AUTS2: variants seen among roughly 807,000 people sequenced by gnomAD.
AUTS2 encodes autism susceptibility gene 2 protein.
A neutral mutation model predicts 112.4 loss-of-function variants in AUTS2; 17 were observed. The ratio of observed to expected loss-of-function variants is 0.15; its 90% confidence interval spans 0.10 to 0.23. The LOEUF (loss-of-function observed/expected upper bound fraction) is 0.23, where lower values mean the gene tolerates loss of function less well. Among genes scored for constraint, AUTS2 ranks in the 10% least tolerant of loss-of-function variants. AUTS2 has a pLI of 1.00. For synonymous variants in AUTS2, 751 were observed against 702.7 expected, an observed-to-expected ratio of 1.07 and a Z score of -1.09; for missense variants, 1,510 against 1,701.6, an observed-to-expected ratio of 0.89 and a Z score of 1.98.
At chr7:70,043,829 G>A (rs761415354) in intron 2 of AUTS2, among the ~76,000 whole-genome samples, 4 of 151,782 alleles carry the variant, frequency 2.6e-5, no homozygotes, top group South Asian at 2.1e-4. Flanking sequence ...GGCTGCTCTC[G>A]GACTCCCGAT....
intron 4 of AUTS2, among the ~76,000 whole-genome samples, chr7:70,151,649 AC>A (rs2129576314): frequency 6.6e-6 from 1 of 152,034 alleles, no homozygotes; most frequent in South Asian, 2.1e-4. Flanking sequence ...ATGGGGTTTC[AC>A]CATGTTGGCC....
intron 5 of AUTS2, among the ~76,000 whole-genome samples, chr7:70,657,115 C>T (rs1470949471): frequency 1.3e-5 from 2 of 152,124 alleles, no homozygotes; most frequent in Non-Finnish European, 2.9e-5. Context: ...CCTCAAGTGT[C>T]CCTTCTGGTT....
At chr7:69,607,983 G>A (rs1297597169) in intron 1 of AUTS2, among the ~76,000 whole-genome samples, 4 of 152,154 alleles carry the variant, frequency 2.6e-5, no homozygotes, top group Non-Finnish European at 4.4e-5. Flanking sequence ...TGCCCAGGCT[G>A]GAGTGCAGTG....
intron 4 of AUTS2, among the ~76,000 whole-genome samples, chr7:70,226,110 A>T (rs1313381093): frequency 1.3e-5 from 2 of 152,324 alleles, no homozygotes; most frequent in African/African-American, 4.8e-5. Context: ...TATGTCATCT[A>T]TTAAAAGCTA....
chr7:70,726,015 C>T (rs1480368219), intron 6 of AUTS2, among the ~76,000 whole-genome samples: 1 of 146,696 alleles, frequency 6.8e-6, no homozygotes, highest in African/African-American at 2.5e-5. Context: ...GAGTGAGACT[C>T]CATTTCAAAA....
At chr7:69,705,448 T>G (rs1165531920) in intron 1 of AUTS2, among the ~76,000 whole-genome samples, 2 of 152,196 alleles carry the variant, frequency 1.3e-5, no homozygotes, top group African/African-American at 4.8e-5. Flanking sequence ...GATAGATGGA[T>G]GGTCAGTCCC....
At chr7:70,789,231 C>CT (rs1791715365) in intron 18 of AUTS2, among the ~76,000 whole-genome samples, 2 of 152,214 alleles carry the variant, frequency 1.3e-5, no homozygotes, top group Admixed American at 1.3e-4. Flanking sequence ...AAACTGGTCA[C>CT]TTGTCCTTGT....
intron 5 of AUTS2, among the ~76,000 whole-genome samples, chr7:70,566,690 C>G (rs1400555546): frequency 2.6e-5 from 4 of 152,054 alleles, no homozygotes; most frequent in African/African-American, 9.7e-5. Flanking sequence ...GATGAATGAT[C>G]AAGGAACTTA....
Position 70,464,419 on chromosome 7 carries a change from CT to C in AUTS2, c.690+28642del, listed in dbSNP as rs1797093409. On this transcript the variant is annotated intron_variant, in intron 5 of 18. Transcript: ENST00000342771. ...TTGAGCACTTGCTATATGCCAGATA[CT>C]TTTAAGCACTTCACATAAACCAAGT... Among the ~76,000 whole-genome samples the C allele has an allele frequency of 2.0e-5, 3 of 152,328 alleles. No homozygotes were observed. In the South Asian group the frequency reaches 6.2e-4, roughly 32 times the overall value.
At chr7:70,328,967 G>A (rs1285149690) in intron 4 of AUTS2, among the ~76,000 whole-genome samples, 1 of 151,982 alleles carries the variant, frequency 6.6e-6, no homozygotes, top group African/African-American at 2.4e-5. Flanking sequence ...ATTGCCCTTA[G>A]TCCCCAGTAA....
intron 5 of AUTS2, among the ~76,000 whole-genome samples, chr7:70,581,364 C>G (rs1802434205): frequency 1.3e-5 from 2 of 151,974 alleles, no homozygotes; most frequent in African/African-American, 2.4e-5. Context: ...CCAGCCTGGG[C>G]AAGAAGAGCG....
chr7:70,471,716 G>A (rs1157754595), intron 5 of AUTS2, among the ~76,000 whole-genome samples: 1 of 152,102 alleles, frequency 6.6e-6, no homozygotes, highest in African/African-American at 2.4e-5. Flanking sequence ...AGCAGGGAGG[G>A]AAATACAGTG....
intron 2 of AUTS2, among the ~76,000 whole-genome samples, chr7:70,030,868 G>A (rs1172948731): frequency 6.6e-6 from 1 of 152,082 alleles, no homozygotes; most frequent in Admixed American, 6.6e-5. Context: ...GTCATATCCT[G>A]TAGAACGGGA....
intron 6 of AUTS2, among the ~76,000 whole-genome samples, chr7:70,713,710 T>C (rs1387509444): frequency 1.3e-5 from 2 of 151,954 alleles, no homozygotes; most frequent in Admixed American, 6.6e-5. Context: ...CTGGCTAACA[T>C]GGTGAAACCC....
chr7:70,174,779 A>G (rs191943469), intron 4 of AUTS2, among the ~76,000 whole-genome samples: 13 of 152,302 alleles, frequency 8.5e-5, no homozygotes, highest in Admixed American at 5.9e-4. Flanking sequence ...TAAGCCCGCT[A>G]TTGAGACCTA....
intron 4 of AUTS2, among the ~76,000 whole-genome samples, chr7:70,321,394 C>G (rs530237322): frequency 2.0e-5 from 3 of 152,148 alleles, no homozygotes; most frequent in African/African-American, 7.2e-5. Context: ...CTCTGTTTTG[C>G]AGAATCTTGT....
intron 5 of AUTS2, among the ~76,000 whole-genome samples, chr7:70,693,771 A>G (rs577999886): frequency 2.0e-5 from 3 of 152,312 alleles, no homozygotes; most frequent in South Asian, 2.1e-4. Flanking sequence ...TTTCCCTGCC[A>G]TGGCGCAATC....
intron 2 of AUTS2, among the ~76,000 whole-genome samples, chr7:70,083,494 T>C (rs555822501): frequency 6.6e-6 from 1 of 152,322 alleles, no homozygotes; most frequent in East Asian, 1.9e-4. Context: ...TAAACTTCTT[T>C]GTATACAGTG....
rs541624637 is a variant in AUTS2, at chr7:70,116,483, A to G, written c.523-1649A>G. 6.6e-5 allele frequency among the ~76,000 whole-genome samples: 10 copies of G among 152,314 alleles called. No homozygotes were observed. The South Asian group carries it at 1.7e-3, about 25-fold the overall frequency. On this transcript the variant is annotated intron_variant, in intron 2 of 18. Coordinates refer to ENST00000342771, the MANE Select transcript of AUTS2 (RefSeq NM_015570.4). ...GCACCATAGCCACTTGAAATCCTGC[A>G]GGCAAAAATTTCCTACTTATTGCCT...
Sources: gnomAD v4.1 joint callset for allele counts (sites outside exome capture counted in the v4.1 genomes callset) on GRCh38, gnomAD v4.1.1 for gene constraint, MANE v1.5 for transcripts, NCBI Gene and HGNC (gene_info 2026-07-23, HGNC 2026-07-21) for gene names.